SPOCK1: variants seen among roughly 807,000 people sequenced by gnomAD.
The protein encoded by SPOCK1 is testican-1.
In SPOCK1, 23 loss-of-function variants were observed where a neutral mutation model predicts 55.3. That is an observed-to-expected ratio of 0.42 (90% CI 0.30 to 0.59). SPOCK1 has a LOEUF of 0.59. SPOCK1 is among the 20% of genes least tolerant of loss of function. SPOCK1 has a pLI of 0.22. For missense variants in SPOCK1, 499 were observed against 552.5 expected, an observed-to-expected ratio of 0.90 and a Z score of 0.97; for synonymous variants, 226 against 221.0, an observed-to-expected ratio of 1.02 and a Z score of -0.20.
rs117512057 is a variant in SPOCK1 at position 137,287,043 on chromosome 5, A to C, written c.187-19988T>G. 1.1e-3 allele frequency among the ~76,000 whole-genome samples: 163 copies of C among 152,142 alleles called. 5 individuals carry two copies. In the East Asian group the frequency reaches 0.028, roughly 27 times the overall value. ...CAGGTGCCATCCTTAACAAAAACAC[A>C]CTGTTAACCTGGAAGAAAAATAGGT... is the stretch of plus-strand genomic sequence containing the variant. On this transcript the variant is annotated intron_variant, in intron 2 of 10. Coordinates refer to ENST00000394945, the MANE Select transcript of SPOCK1 (RefSeq NM_004598.4).
At chr5:137,316,364 T>C (rs1027758885) in intron 2 of SPOCK1, among the ~76,000 whole-genome samples, 26 of 152,360 alleles carry the variant, frequency 1.7e-4, no homozygotes, top group African/African-American at 6.3e-4. Flanking sequence ...AATCCTTTTA[T>C]GTTCTAAAAA....
intron 8 of SPOCK1, among the ~76,000 whole-genome samples, chr5:136,987,158 A>T (rs1750859190): frequency 6.6e-6 from 1 of 152,148 alleles, no homozygotes; most frequent in Non-Finnish European, 1.5e-5. Context: ...TTAAGTGAAC[A>T]GCAAAAAAGA....
intron 3 of SPOCK1, among the ~76,000 whole-genome samples, chr5:137,227,069 A>G (rs1212184783): frequency 6.6e-6 from 1 of 152,214 alleles, no homozygotes; most frequent in Non-Finnish European, 1.5e-5. Flanking sequence ...GGGATTTGTG[A>G]CAAGGGGACA....
intron 2 of SPOCK1, among the ~76,000 whole-genome samples, chr5:137,430,157 GCA>G (rs762669548): frequency 6.6e-6 from 1 of 152,226 alleles, no homozygotes; most frequent in South Asian, 2.1e-4. Flanking sequence ...CAACATTCTA[GCA>G]CACAGAGCCA....
At chr5:137,117,094 G>A (rs1470485766) in intron 4 of SPOCK1, among the ~76,000 whole-genome samples, 1 of 152,154 alleles carries the variant, frequency 6.6e-6, no homozygotes, top group Non-Finnish European at 1.5e-5. Flanking sequence ...CAGGACATGG[G>A]GCACACCCAG....
chr5:137,417,511 C>T (rs1421910193), intron 2 of SPOCK1, among the ~76,000 whole-genome samples: 1 of 152,070 alleles, frequency 6.6e-6, no homozygotes, highest in East Asian at 1.9e-4. Flanking sequence ...ACAGTCCCAT[C>T]ATGCTCCTTT....
At chr5:137,487,470 T>C in intron 2 of SPOCK1, among the ~76,000 whole-genome samples, 1 of 152,096 alleles carries the variant, frequency 6.6e-6, no homozygotes, top group Non-Finnish European at 1.5e-5. Context: ...AGTATCTGCA[T>C]CTCAGTGCCC....
intron 2 of SPOCK1, among the ~76,000 whole-genome samples, chr5:137,291,357 G>A (rs1430116162): frequency 6.6e-6 from 1 of 152,170 alleles, no homozygotes; most frequent in Non-Finnish European, 1.5e-5. Context: ...CTATTTGAAA[G>A]ATGAAAAACG....
At chr5:137,325,735 A>G (rs1350359345) in intron 2 of SPOCK1, among the ~76,000 whole-genome samples, 2 of 152,180 alleles carry the variant, frequency 1.3e-5, no homozygotes, top group African/African-American at 4.8e-5. Context: ...TGTTAATACC[A>G]GGAAATATTA....
At chr5:137,192,130 C>T (rs767924892) in intron 3 of SPOCK1, among the ~76,000 whole-genome samples, 7 of 144,808 alleles carry the variant, frequency 4.8e-5, no homozygotes, top group Non-Finnish European at 9.0e-5. Context: ...CCCAGCTACT[C>T]GGGAGGCTGA....
chr5:137,493,405 T>C (rs1045356195), intron 2 of SPOCK1, among the ~76,000 whole-genome samples: 10 of 152,326 alleles, frequency 6.6e-5, no homozygotes, highest in Middle Eastern at 3.4e-3. Context: ...CATCAGAATA[T>C]AGGAGAGCAC....
At chr5:137,122,281 A>ACG (rs34849022) in intron 4 of SPOCK1, among the ~76,000 whole-genome samples, 1 of 151,802 alleles carries the variant, frequency 6.6e-6, no homozygotes, top group African/African-American at 2.4e-5. Flanking sequence ...ACACACACAC[A>ACG]GAGGCACTCT....
chr5:137,410,111 C>A lies in SPOCK1; in HGVS notation c.186+88262G>T, dbSNP rs148584316. On this transcript the variant is annotated intron_variant, in intron 2 of 10. Coordinates refer to ENST00000394945, the MANE Select transcript of SPOCK1 (RefSeq NM_004598.4). ...ATTCTCCCTTAGCTTCACCACTTCC[C>A]AAATCATCACACCACAGACCTTATT... Among the ~76,000 whole-genome samples, 548 of 152,344 alleles carry A rather than the reference C, an allele frequency of 3.6e-3. 5 individuals are homozygous for A. Among genetic ancestry groups the A allele is most frequent in the African/African-American group, 0.012 (514 of 41,580 alleles).
chr5:137,214,167 A>G (rs368934330), intron 3 of SPOCK1, among the ~76,000 whole-genome samples: 1 of 152,202 alleles, frequency 6.6e-6, no homozygotes, highest in East Asian at 1.9e-4. Flanking sequence ...TGAACCAGAC[A>G]TTGTATTATC....
intron 3 of SPOCK1, among the ~76,000 whole-genome samples, chr5:137,183,364 T>A (rs905885992): frequency 6.6e-6 from 1 of 152,104 alleles, no homozygotes; most frequent in African/African-American, 2.4e-5. Context: ...ATGGAAGACA[T>A]CCTGGCCTGA....
At chr5:137,385,268 T>C (rs1751574869) in intron 2 of SPOCK1, among the ~76,000 whole-genome samples, 3 of 152,132 alleles carry the variant, frequency 2.0e-5, no homozygotes, top group South Asian at 2.1e-4. Context: ...GTGTGGTACA[T>C]ATAAAGGTCC....
At chr5:137,105,254 T>A (rs1753342956) in intron 5 of SPOCK1, among the ~76,000 whole-genome samples, 1 of 152,162 alleles carries the variant, frequency 6.6e-6, no homozygotes, top group Non-Finnish European at 1.5e-5. Flanking sequence ...CAGTTTCCAA[T>A]AATTTTATTT....
At chr5:137,255,111 C>T (rs1381365348) in intron 3 of SPOCK1, among the ~76,000 whole-genome samples, 1 of 152,224 alleles carries the variant, frequency 6.6e-6, no homozygotes, top group Non-Finnish European at 1.5e-5. Flanking sequence ...TACTTTGGCA[C>T]TAAGCATCAT....
chr5:137,191,759 C>T (rs879262746), intron 3 of SPOCK1, among the ~76,000 whole-genome samples: 5 of 152,094 alleles, frequency 3.3e-5, no homozygotes, highest in South Asian at 2.1e-4. Context: ...TCACTGGAGA[C>T]GTTAATGTGT....
Sources: gnomAD v4.1 joint callset for allele counts (sites outside exome capture counted in the v4.1 genomes callset) on GRCh38, gnomAD v4.1.1 for gene constraint, MANE v1.5 for transcripts, NCBI Gene and HGNC (gene_info 2026-07-23, HGNC 2026-07-21) for gene names.